Variants in PLA2G4A observed in about 807,000 individuals in gnomAD.
The protein encoded by PLA2G4A is phospholipase A2 group IVA.
In PLA2G4A, 40 loss-of-function variants were observed where a neutral mutation model predicts 81.9. That is an observed-to-expected ratio of 0.49 (90% CI 0.38 to 0.64). PLA2G4A has a LOEUF of 0.64. Ranked by LOEUF, PLA2G4A falls within the 30% of genes least tolerant of loss-of-function variation. The pLI is 0.00. For synonymous variants in PLA2G4A, 302 were observed against 296.9 expected (o/e 1.02, Z -0.18); for missense variants, 715 against 905.1 (o/e 0.79, Z 2.69).
intron 8 of PLA2G4A, among the ~76,000 whole-genome samples, chr1:186,935,421 T>C (rs1250510469): frequency 7.3e-6 from 1 of 137,420 alleles, no homozygotes; most frequent in Non-Finnish European, 1.6e-5. Flanking sequence ...TTTTTTTTTT[T>C]CAGAATTTAA....
At chr1:186,852,370 C>G (rs1303637373) in intron 1 of PLA2G4A, among the ~76,000 whole-genome samples, 2 of 152,004 alleles carry the variant, frequency 1.3e-5, no homozygotes, top group Non-Finnish European at 2.9e-5. Context: ...CTAACAATAG[C>G]AGCCAGGTCC....
intron 12 of PLA2G4A, among the ~76,000 whole-genome samples, chr1:186,947,324 T>C (rs572532499): frequency 6.6e-6 from 1 of 152,238 alleles, no homozygotes; most frequent in African/African-American, 2.4e-5. Context: ...AAATACAATG[T>C]AACACTGAAG....
intron 17 of PLA2G4A, among the ~76,000 whole-genome samples, chr1:186,980,887 T>C (rs1657698626): frequency 6.6e-6 from 1 of 152,172 alleles, no homozygotes; most frequent in South Asian, 2.1e-4. Context: ...AAAATGCTTA[T>C]CAAAATATAT....
chr1:186,887,058 AGGTCAT>A (rs1487028930), intron 3 of PLA2G4A, among the ~76,000 whole-genome samples: 1 of 152,158 alleles, frequency 6.6e-6, no homozygotes, highest in East Asian at 1.9e-4. Flanking sequence ...GAATCCGTGA[AGGTCAT>A]GGTATTTCAA....
At chr1:186,922,564 A>G (rs1267389859) in intron 7 of PLA2G4A, among the ~76,000 whole-genome samples, 1 of 152,132 alleles carries the variant, frequency 6.6e-6, no homozygotes, top group Non-Finnish European at 1.5e-5. Flanking sequence ...GCTTTGCTCA[A>G]GCTGGCCAGA....
intron 2 of PLA2G4A, among the ~76,000 whole-genome samples, chr1:186,857,151 T>TATGTAA (rs376200369): frequency 2.6e-5 from 1 of 38,030 alleles, no homozygotes; most frequent in African/African-American, 2.0e-4. Flanking sequence ...AATTATATAA[T>TATGTAA]TACATAATAT....
rs5779313 is a variant in PLA2G4A, at chr1:186,955,900, A to ATTT, written c.1337-191_1337-189dup. On this transcript the variant is annotated intron_variant, in intron 13 of 17. Coordinates refer to ENST00000367466, the MANE Select transcript of PLA2G4A (RefSeq NM_024420.3). ...AGGTGCACGCCACCATGACCAGCTA[A>ATTT]TTTTTTTTTTTTTGTATTTTTAGTA... Among the ~76,000 whole-genome samples, 221 of 144,960 alleles carry ATTT rather than the reference A, an allele frequency of 1.5e-3. 1 individual carries two copies. Among genetic ancestry groups the ATTT allele is most frequent in the African/African-American group, 2.8e-3 (108 of 39,136 alleles).
chr1:186,907,088 A>G (rs1312122551), intron 6 of PLA2G4A, 86 bp downstream of exon 6: 5 of 756,302 alleles, frequency 6.6e-6, no homozygotes, highest in Admixed American at 1.9e-5. Flanking sequence ...TTTATATATA[A>G]TTCTGCAGCT....
chr1:186,916,015 C>T (rs1320538785), intron 7 of PLA2G4A, among the ~76,000 whole-genome samples: 1 of 152,128 alleles, frequency 6.6e-6, no homozygotes, highest in Non-Finnish European at 1.5e-5. Context: ...TGTTACGGTT[C>T]CTCCACAGAC....
chr1:186,882,109 A>G (rs761109654), intron 3 of PLA2G4A, among the ~76,000 whole-genome samples: 9 of 152,128 alleles, frequency 5.9e-5, no homozygotes, highest in Non-Finnish European at 1.2e-4. Flanking sequence ...CTGAGTCTCA[A>G]TTTCTTCACC....
intron 10 of PLA2G4A, among the ~76,000 whole-genome samples, chr1:186,944,534 A>C (rs1656269261): frequency 1.3e-5 from 2 of 152,192 alleles, no homozygotes; most frequent in African/African-American, 4.8e-5. Flanking sequence ...TATGTCTCAC[A>C]AATTCCACGT....
chr1:186,889,106 T>C (rs1654041490), intron 3 of PLA2G4A, among the ~76,000 whole-genome samples: 1 of 152,210 alleles, frequency 6.6e-6, no homozygotes, highest in South Asian at 2.1e-4. Context: ...TGTGATAATG[T>C]TACCCTATGA....
chr1:186,892,568 A>T (rs745620389), intron 3 of PLA2G4A, among the ~76,000 whole-genome samples: 14 of 152,216 alleles, frequency 9.2e-5, no homozygotes, highest in Non-Finnish European at 1.8e-4. Flanking sequence ...TCCCCAGTGT[A>T]TGTTCTTGGC....
At chr1:186,930,131 G>A (rs927612672) in intron 7 of PLA2G4A, among the ~76,000 whole-genome samples, 1 of 152,108 alleles carries the variant, frequency 6.6e-6, no homozygotes, top group Non-Finnish European at 1.5e-5. Context: ...CGGAGTAATA[G>A]TATGTACTGA....
chr1:186,854,334 T>C lies in PLA2G4A; in HGVS notation c.-21T>C. ...AAGAAGACTTTGAAGTGTGAAAACA[T>C]TTCCTGTAATTGAAACCAAAATGTC... is the stretch of plus-strand genomic sequence containing the variant. On this transcript the variant is annotated 5_prime_UTR_variant, in exon 2 of 18. Transcript: ENST00000367466. The C allele has an allele frequency of 6.7e-7, 1 of 1,484,484 alleles. No homozygotes were observed. The highest frequency in any genetic ancestry group is 9.4e-7 in the Non-Finnish European group (1 of 1,062,842). The allele number at this position is 1,484,484 out of a possible 1,614,324, so 92.0% of individuals were successfully genotyped here.
At chr1:186,981,799 A>G (rs1403361501) in intron 17 of PLA2G4A, among the ~76,000 whole-genome samples, 2 of 152,210 alleles carry the variant, frequency 1.3e-5, no homozygotes, top group Non-Finnish European at 2.9e-5. Context: ...AAAAAATAAT[A>G]TGAAAGTGAA....
rs552519543 is a variant in PLA2G4A, at chr1:186,970,533, G to A, written c.1764+4940G>A. Among the ~76,000 whole-genome samples the A allele has an allele frequency of 3.3e-5, 5 of 152,108 alleles. No homozygotes were observed. The East Asian group carries it at 9.6e-4, about 29-fold the overall frequency. On this transcript the variant is annotated intron_variant, in intron 15 of 17. Transcript: ENST00000367466. ...AATGTTTTATTCTAGTAGTTTTATA[G>A]CTTTAGGACTTAGATGTTACTCTTT...
intron 16 of PLA2G4A, among the ~76,000 whole-genome samples, chr1:186,978,896 G>A (rs570252142): frequency 7.2e-5 from 11 of 152,310 alleles, no homozygotes; most frequent in Non-Finnish European, 1.6e-4. Flanking sequence ...AACTTGATCC[G>A]CTGGGAAAGA....
chr1:186,831,630 T>C (rs112944830), intron 1 of PLA2G4A, among the ~76,000 whole-genome samples: 23 of 152,278 alleles, frequency 1.5e-4, no homozygotes, highest in Non-Finnish European at 2.8e-4. Flanking sequence ...ATAACACTAT[T>C]GTTTATTATA....
Sources: allele counts gnomAD v4.1 joint callset (sites outside exome capture counted in the v4.1 genomes callset), GRCh38; gene constraint gnomAD v4.1.1; transcripts MANE v1.5; gene names NCBI Gene and HGNC (gene_info 2026-07-23, HGNC 2026-07-21).